SHANK2: variants seen among roughly 807,000 people sequenced by gnomAD.
The protein encoded by SHANK2 is SH3 and multiple ankyrin repeat domains 2.
Under a neutral mutation model 133.7 loss-of-function variants are expected in SHANK2, and 43 were observed. That is an observed-to-expected ratio of 0.32 (90% confidence interval 0.25 to 0.41). SHANK2 has a LOEUF of 0.41. Among genes scored for constraint, SHANK2 ranks in the 10% least tolerant of loss-of-function variants. The pLI is 1.00. For missense variants in SHANK2, 1,994 were observed against 2,235.8 expected (o/e 0.89, Z 2.18); for synonymous variants, 1,017 against 952.8 (o/e 1.07, Z -1.24).
At chr11:70,762,938 G>A (rs1371849972) in intron 14 of SHANK2, among the ~76,000 whole-genome samples, 7 of 152,176 alleles carry the variant, frequency 4.6e-5, no homozygotes, top group Admixed American at 3.9e-4. Context: ...TGGTGGCCAG[G>A]CCACGTGATG....
At chr11:70,547,270 C>A (rs2059706891) in intron 17 of SHANK2, among the ~76,000 whole-genome samples, 1 of 152,004 alleles carries the variant, frequency 6.6e-6, no homozygotes, top group Non-Finnish European at 1.5e-5. Flanking sequence ...TTATTAACAA[C>A]TTTTTTTTGA....
chr11:70,753,969 G>C (rs1334804951), intron 14 of SHANK2, among the ~76,000 whole-genome samples: 3 of 152,100 alleles, frequency 2.0e-5, no homozygotes, highest in Admixed American at 6.6e-5. Context: ...GCACCACCAT[G>C]CCTGACTAAT....
At chr11:70,578,690 G>A (rs188934024) in intron 17 of SHANK2, among the ~76,000 whole-genome samples, 3 of 152,312 alleles carry the variant, frequency 2.0e-5, no homozygotes, top group Non-Finnish European at 4.4e-5. Flanking sequence ...CATGCTTGGT[G>A]TCATCGAATC....
rs536741958 is a variant in SHANK2, at chr11:71,145,749, C to T, written c.207+1371G>A. Among the ~76,000 whole-genome samples the T allele has an allele frequency of 2.0e-4, 31 of 152,288 alleles. No individual in the cohort carries two copies. The South Asian group carries it at 5.0e-3, about 24-fold the overall frequency. On this transcript the variant is annotated intron_variant, in intron 3 of 25. Coordinates refer to ENST00000601538, the MANE Select transcript of SHANK2 (RefSeq NM_012309.5). ...GCCAGTAGGCAGCATGATGCTTCCCCGATCTCCAGCACTTGGGCCCCCCTT... is the reference window on the plus strand; with the variant it reads ...GCCAGTAGGCAGCATGATGCTTCCCTGATCTCCAGCACTTGGGCCCCCCTT...
chr11:70,922,972 C>A (rs933052000), intron 10 of SHANK2, among the ~76,000 whole-genome samples: 19 of 151,998 alleles, frequency 1.3e-4, no homozygotes, highest in Middle Eastern at 3.4e-3. Context: ...AAAAAAAATC[C>A]ACACATTTGT....
chr11:71,075,952 C>T (rs1329484686), intron 8 of SHANK2, among the ~76,000 whole-genome samples: 3 of 152,202 alleles, frequency 2.0e-5, no homozygotes, highest in Admixed American at 6.5e-5. Flanking sequence ...TCAGAACTTT[C>T]GCCTGAGTAC....
Position 70,528,219 on chromosome 11 carries a change from G to A in SHANK2, c.2062-25288C>T, listed in dbSNP as rs557274362. ...AGACCCCGTCCCCAGGCGTCCCTGA[G>A]GTCTGAGGGTCAGGTTGTCCATGTG... On this transcript the variant is annotated intron_variant, in intron 17 of 25. Coordinates refer to ENST00000601538, the MANE Select transcript of SHANK2 (RefSeq NM_012309.5). Among the ~76,000 whole-genome samples, 3 of 152,362 alleles carry A rather than the reference G, an allele frequency of 2.0e-5. No homozygotes were observed. In the South Asian group the frequency reaches 6.2e-4, roughly 32 times the overall value.
intron 16 of SHANK2, 137 bp from the exon 17 acceptor site, chr11:70,660,089 TC>T: frequency 9.2e-7 from 1 of 1,082,954 alleles, no homozygotes. Context: ...AGGCCAACTC[TC>T]CCCCAGGAAG....
chr11:70,644,484 C>T (rs915581015), intron 17 of SHANK2, among the ~76,000 whole-genome samples: 5 of 152,202 alleles, frequency 3.3e-5, no homozygotes, highest in Non-Finnish European at 7.3e-5. Context: ...ATCTGCTTCC[C>T]GATGGGTCCC....
chr11:70,703,798 G>T (rs986905243), intron 14 of SHANK2, among the ~76,000 whole-genome samples: 1 of 152,128 alleles, frequency 6.6e-6, no homozygotes, highest in Non-Finnish European at 1.5e-5. Context: ...ACCTTCAGCC[G>T]CGCATGCACC....
intron 6 of SHANK2, among the ~76,000 whole-genome samples, chr11:71,101,577 GA>G (rs1951716831): frequency 6.6e-6 from 1 of 152,238 alleles, no homozygotes; most frequent in Non-Finnish European, 1.5e-5. Context: ...CGAGGTTCCA[GA>G]ACCATTATTC....
At chr11:70,647,305 G>C (rs1555008687) in intron 17 of SHANK2, 1 of 152,224 alleles carries the variant, frequency 6.6e-6, no homozygotes, top group East Asian at 1.9e-4. Flanking sequence ...TTCTGCCTAA[G>C]CTCCCTCTGT....
At chr11:70,800,904 T>C (rs1232775871) in intron 13 of SHANK2, among the ~76,000 whole-genome samples, 7 of 152,318 alleles carry the variant, frequency 4.6e-5, no homozygotes, top group South Asian at 2.1e-4. Context: ...GTGAGGTCAT[T>C]CTGCTGTTTT....
intron 14 of SHANK2, among the ~76,000 whole-genome samples, chr11:70,733,208 T>C (rs1202401385): frequency 1.3e-5 from 2 of 151,684 alleles, no homozygotes; most frequent in African/African-American, 4.8e-5. Context: ...TTTTGCAGGA[T>C]GAGTAGGAGT....
chr11:70,485,784 G>T lies in SHANK2; in HGVS notation c.4509C>A (p.His1503Gln). ...TGGAGATAGTGCTGGTCGTCTCGAG[G>T]TGGTGGTCGCTGCTACTCCGGCTGT... ...EVDSRSSSDH[H>Q]LETTSTISTV... The change falls in exon 25 of 26, where the codon CAC becomes CAA. Residue 1503 changes from histidine (H) to glutamine (Q), a missense_variant. Around this residue, in one of 5 missense-constraint regions of SHANK2, gnomAD observed 797 missense variants for 907.4 expected, o/e 0.88. Coordinates refer to ENST00000601538, the MANE Select transcript of SHANK2 (RefSeq NM_012309.5). The surrounding 1 kb of genome is among the most constrained non-coding windows in gnomAD (Gnocchi z 5.8). 1 of 1,614,008 alleles carries T rather than the reference G, an allele frequency of 6.2e-7. No individual in the cohort carries two copies. Among genetic ancestry groups the T allele is most frequent in the South Asian group, 1.1e-5 (1 of 91,070 alleles).
chr11:70,947,132 AACACACACACAC>A (rs144004521), intron 10 of SHANK2, among the ~76,000 whole-genome samples: 2,611 of 126,546 alleles, frequency 0.021, 40 homozygotes, highest in South Asian at 0.036. Context: ...GCACCTCTCC[AACACACACACAC>A]ACACACACAC....
intron 14 of SHANK2, among the ~76,000 whole-genome samples, chr11:70,719,415 A>G (rs1282981468): frequency 1.3e-5 from 2 of 152,120 alleles, no homozygotes; most frequent in African/African-American, 4.8e-5. Flanking sequence ...TGCTGTGTGC[A>G]TGGGCACCCA....
chr11:70,905,526 A>C (rs1364513763), intron 10 of SHANK2, among the ~76,000 whole-genome samples: 1 of 152,190 alleles, frequency 6.6e-6, no homozygotes, highest in African/African-American at 2.4e-5. Context: ...ATGTGTTGAA[A>C]TGGAAGCCCC....
In SHANK2 at chr11:70,472,459, G is replaced by C. The variant is rs1287196612; in HGVS notation, c.*410C>G. 5.2e-5 allele frequency: 14 copies of C among 269,804 alleles called. No homozygotes were observed. In the East Asian group the frequency reaches 1.4e-3, roughly 26 times the overall value. The allele number at this position is 269,804 out of a possible 1,614,324, so 16.7% of individuals were successfully genotyped here. On this transcript the variant is annotated 3_prime_UTR_variant, in exon 26 of 26. Transcript: ENST00000601538. The surrounding 1 kb of genome is among the most constrained non-coding windows in gnomAD (Gnocchi z 4.4). ...CTCATGCCGGGGCCTGGGGTGGTGAGAGCTGCCCGGAAAGCAGAGGACGGA... is the reference window on the plus strand; with the variant it reads ...CTCATGCCGGGGCCTGGGGTGGTGACAGCTGCCCGGAAAGCAGAGGACGGA...
Sources: gnomAD v4.1 joint callset for allele counts (sites outside exome capture counted in the v4.1 genomes callset) on GRCh38, gnomAD v4.1.1 for gene constraint, gnomAD v4.1.1 regional missense constraint, Gnocchi (gnomAD v3.1) non-coding constraint, MANE v1.5 for transcripts, NCBI Gene and HGNC (gene_info 2026-07-23, HGNC 2026-07-21) for gene names.